Variants in NUTM2E observed in about 807,000 individuals in gnomAD.
NUTM2E encodes the protein family with sequence similarity 22, member E.
A neutral mutation model predicts 26.1 loss-of-function variants in NUTM2E; 3 were observed. The ratio of observed to expected loss-of-function variants is 0.12; its 90% CI spans 0.05 to 0.30. The LOEUF (loss-of-function observed/expected upper bound fraction) is 0.30, where lower values mean the gene tolerates loss of function less well. Among genes scored for constraint, NUTM2E ranks in the 10% least tolerant of loss-of-function variants. The pLI, the probability that NUTM2E is intolerant of heterozygous loss-of-function variation, is 1.00. For missense variants in NUTM2E, 62 were observed against 381.3 expected, an observed-to-expected ratio of 0.16 and a Z score of 6.97; for synonymous variants, 13 against 157.5, an observed-to-expected ratio of 0.08 and a Z score of 6.87.
chr10:79,838,682 TCTGGTCACAATGTGGGGTCGCC>T (rs1243516892), intron 2 of NUTM2E, among the ~76,000 whole-genome samples, 76 bp from the exon 3 acceptor site: 2 of 151,756 alleles, frequency 1.3e-5, no homozygotes, highest in African/African-American at 4.8e-5. Context: ...ACAGGCCTGC[TCTGGTCACAATGTGGGGTCGCC>T]CCGCGGACAC....
chr10:79,828,833 G>A (rs190835450), intron 1 of NUTM2E, among the ~76,000 whole-genome samples: 2 of 151,952 alleles, frequency 1.3e-5, no homozygotes, highest in Non-Finnish European at 2.9e-5. Flanking sequence ...TCGATGGGAT[G>A]TATCTAATAG....
chr10:79,834,145 AGTGGGAGTTGAACAATGACAC>A (rs1841945672), intron 1 of NUTM2E, among the ~76,000 whole-genome samples: 1 of 150,832 alleles, frequency 6.6e-6, no homozygotes, highest in Admixed American at 6.6e-5. Flanking sequence ...CTCACTCAGA[AGTGGGAGTTGAACAATGACAC>A]GTGGGCACAT....
intron 1 of NUTM2E, among the ~76,000 whole-genome samples, chr10:79,837,486 A>T (rs1391341725): frequency 6.6e-6 from 1 of 152,176 alleles, no homozygotes; most frequent in Non-Finnish European, 1.5e-5. Context: ...ATCACTAAGG[A>T]TCACTGAGGT....
At chr10:79,832,685 A>T (rs1360009123) in intron 1 of NUTM2E, among the ~76,000 whole-genome samples, 1 of 151,842 alleles carries the variant, frequency 6.6e-6, no homozygotes, top group Admixed American at 6.6e-5. Context: ...TATAAAAATA[A>T]GAACTGAAAT....
chr10:79,841,122 G>A lies in NUTM2E; in HGVS notation c.-619G>A, dbSNP rs1303135017. Among the ~76,000 whole-genome samples, 2 of 118,266 alleles carry A rather than the reference G, an allele frequency of 1.7e-5. No individual in the cohort carries two copies. Among genetic ancestry groups the A allele is most frequent in the Non-Finnish European group, 3.6e-5 (2 of 55,160 alleles). 77.6% of individuals were successfully genotyped at this position (118,266 alleles called of 152,430 possible). On this transcript the variant is annotated 5_prime_UTR_variant, in exon 4 of 10. Transcript: ENST00000429984. ...CGAGGCCAACAGTGAGCTGAGAGAG[G>A]CCAGCCAGGGTGTGTTTCAGTGAAG...
In NUTM2E at chr10:79,845,282, G is replaced by C. The variant is rs549104436; in HGVS notation, c.1082+410G>C. Among the ~76,000 whole-genome samples the C allele has an allele frequency of 7.5e-4, 85 of 113,236 alleles. 19 individuals are homozygous for C. The highest frequency in any genetic ancestry group is 2.3e-3 in the African/African-American group (83 of 35,614). The allele number at this position is 113,236 out of a possible 152,430, so 74.3% of individuals were successfully genotyped here. On this transcript the variant is annotated intron_variant, in intron 5 of 9. Transcript: ENST00000429984. ...TGGGGCCGGGGGGAGGAGCTGCAGG[G>C]CCCAGCAGGAACCTGGCACATGCCC...
intron 1 of NUTM2E, among the ~76,000 whole-genome samples, chr10:79,831,130 G>C (rs1400470099): frequency 6.6e-6 from 1 of 151,640 alleles, no homozygotes; most frequent in Non-Finnish European, 1.5e-5. Context: ...ATCACCTCTA[G>C]AAAACAATGC....
chr10:79,838,695 T>C (rs1841979618), intron 2 of NUTM2E, among the ~76,000 whole-genome samples, 85 bp from the exon 3 acceptor site: 1 of 145,190 alleles, frequency 6.9e-6, no homozygotes, highest in Non-Finnish European at 1.5e-5. Context: ...GGTCACAATG[T>C]GGGGTCGCCC....
At position 79,838,901 on chromosome 10, in the gene NUTM2E, G is replaced by A. The variant is rs1166381709; in HGVS notation, c.-2328G>A. On this transcript the variant is annotated 5_prime_UTR_variant, in exon 3 of 10. Coordinates refer to ENST00000429984, the MANE Select transcript of NUTM2E (RefSeq NM_001355263.2). ...GCGCTGGGAGCGGTTGAGGGCGGCC[G>A]GCCTCGCGCTGGAACCTCGCCCGCC... Among the ~76,000 whole-genome samples the A allele has an allele frequency of 8.0e-5, 12 of 149,500 alleles. No homozygotes were observed. The East Asian group carries it at 8.0e-4, about 10-fold the overall frequency.
intron 5 of NUTM2E, among the ~76,000 whole-genome samples, chr10:79,845,338 G>A (rs551878468): frequency 2.6e-5 from 3 of 113,826 alleles, no homozygotes; most frequent in South Asian, 2.4e-4. Context: ...TTAGCACAGC[G>A]GTGGTGGAGC....
At position 79,827,279 on chromosome 10, in the gene NUTM2E, T is replaced by G. The variant is rs1841890693; in HGVS notation, c.-2806T>G. 6.5e-6 allele frequency: 1 copy of G among 153,180 alleles called. No homozygotes were observed. The highest frequency in any genetic ancestry group is 1.9e-4 in the East Asian group (1 of 5,170). 9.5% of individuals were successfully genotyped at this position (153,180 alleles called of 1,614,324 possible). On this transcript the variant is annotated 5_prime_UTR_variant, in exon 1 of 10. It adds an upstream start codon to the 5' untranslated region. Transcript: ENST00000429984. ...GTGCGGGATTATTCAACAAGCCGAT[T>G]GATCACATTCTTCAGCTCTAGCAGT...
Position 79,839,068 on chromosome 10 carries a change from G to A in NUTM2E, c.-2161G>A, listed in dbSNP as rs1279998104. Among the ~76,000 whole-genome samples the A allele has an allele frequency of 7.3e-5, 11 of 151,070 alleles. No individual in the cohort carries two copies. Among genetic ancestry groups the A allele is most frequent in the African/African-American group, 1.9e-4 (8 of 41,112 alleles). The stretch of plus-strand genomic sequence containing the variant: ...CCCCCTCATTGGAACCTCCATGACC[G>A]TGCCTCTGAGAAACCAGCGCGTCCG... On this transcript the variant is annotated 5_prime_UTR_variant, in exon 3 of 10. The change creates a new upstream start codon in the 5' untranslated region. Transcript: ENST00000429984.
At position 79,839,047 on chromosome 10, in the gene NUTM2E, C is replaced by CCT. The variant is rs1564742792; in HGVS notation, c.-2182_-2181insCT. Among the ~76,000 whole-genome samples, 1 of 150,584 alleles carries CCT rather than the reference C, an allele frequency of 6.6e-6. No homozygotes were observed. The highest frequency in any genetic ancestry group is 6.6e-5 in the Admixed American group (1 of 15,062). Reference sequence around the variant, plus strand: ...GCTTCCTGGGGCCAGACAACGCCCCCTCATTGGAACCTCCATGACCGTGCC... The same window carrying CCT: ...GCTTCCTGGGGCCAGACAACGCCCCCCTTCATTGGAACCTCCATGACCGTGCC... On this transcript the variant is annotated 5_prime_UTR_variant, in exon 3 of 10. It removes the in-frame stop codon of an upstream open reading frame in the 5' UTR. Transcript: ENST00000429984.
rs1841994199 is a variant in NUTM2E at position 79,840,788 on chromosome 10, C to A, written c.-953C>A. On this transcript the variant is annotated 5_prime_UTR_variant, in exon 4 of 10. Transcript: ENST00000429984. ...CTGGCTGAAGGCCTCTTCCCTTCCC[C>A]AACACCCTCCCATCGTGCAAAATTA... is the stretch of plus-strand genomic sequence containing the variant. 7.4e-6 allele frequency among the ~76,000 whole-genome samples: 1 copy of A among 135,120 alleles called. No homozygotes were observed. Among genetic ancestry groups the A allele is most frequent in the South Asian group, 2.7e-4 (1 of 3,758 alleles). 88.6% of individuals were successfully genotyped at this position (135,120 alleles called of 152,430 possible).
intron 1 of NUTM2E, among the ~76,000 whole-genome samples, chr10:79,835,687 CA>C (rs1352633289): frequency 1.3e-5 from 1 of 79,096 alleles, no homozygotes; most frequent in African/African-American, 4.4e-5. Context: ...GGAAACTCAT[CA>C]ATAACAAGCT....
intron 1 of NUTM2E, among the ~76,000 whole-genome samples, chr10:79,828,219 A>T (rs900682663): frequency 6.6e-6 from 1 of 151,868 alleles, no homozygotes; most frequent in South Asian, 2.1e-4. Context: ...TCATTCATGG[A>T]TTTATTCATT....
chr10:79,828,749 T>C (rs572346445), intron 1 of NUTM2E, among the ~76,000 whole-genome samples: 1 of 152,018 alleles, frequency 6.6e-6, no homozygotes, highest in East Asian at 1.9e-4. Flanking sequence ...GTTTTATACA[T>C]ATCCTTCCCA....
At chr10:79,839,256 A>G (rs1357345986) in intron 3 of NUTM2E, among the ~76,000 whole-genome samples, 141 bp downstream of exon 3, 1 of 150,860 alleles carries the variant, frequency 6.6e-6, no homozygotes, top group Non-Finnish European at 1.5e-5. Flanking sequence ...ATTCCTGCTC[A>G]TGCCTTTCAA....
chr10:79,838,617 A>C (rs61862164), intron 2 of NUTM2E, among the ~76,000 whole-genome samples, 31 bp downstream of exon 2: 2 of 121,568 alleles, frequency 1.6e-5, no homozygotes, highest in Non-Finnish European at 3.8e-5. Flanking sequence ...CGGCCTGGGC[A>C]TCCCGCAGGG....
Sources: gnomAD v4.1 joint callset for allele counts (sites outside exome capture counted in the v4.1 genomes callset) on GRCh38, gnomAD v4.1.1 for gene constraint, MANE v1.5 for transcripts, NCBI Gene and HGNC (gene_info 2026-07-23, HGNC 2026-07-21) for gene names.